The following YTHDC1 variants were observed in gnomAD, a reference collection of about 807,000 sequenced individuals.
YTHDC1 encodes the protein YTH domain-containing protein 1.
In YTHDC1, 12 loss-of-function variants were observed where a neutral mutation model predicts 107.0. The observed-to-expected ratio is 0.11, with a 90% CI of 0.07 to 0.18. The LOEUF is 0.18. Ranked by LOEUF, YTHDC1 falls within the 10% of genes least tolerant of loss-of-function variation. The probability of loss-of-function intolerance (pLI) is 1.00; values close to 1 mark genes in which losing one functional copy is unlikely to be tolerated. For synonymous variants in YTHDC1, 280 were observed against 289.5 expected, an observed-to-expected ratio of 0.97 and a Z score of 0.33; for missense variants, 635 against 898.8, an observed-to-expected ratio of 0.71 and a Z score of 3.75.
chr4:68,334,874 A>G (rs1376559886), intron 4 of YTHDC1, among the ~76,000 whole-genome samples: 2 of 152,152 alleles, frequency 1.3e-5, no homozygotes, highest in African/African-American at 4.8e-5. Context: ...GACAAAAACA[A>G]TAATTAAAAA....
At position 68,349,956 on chromosome 4, in the gene YTHDC1, G is replaced by A; in HGVS notation, c.-203C>T. On this transcript the variant is annotated 5_prime_UTR_variant, in exon 1 of 17. Coordinates refer to ENST00000344157, the MANE Select transcript of YTHDC1 (RefSeq NM_001031732.4). Reference sequence around the variant, plus strand: ...TCCCTTCCTTTCACTCCAGCATCCAGCGGCCTAGGCCCAGCCTTCTCGTTA... The same window carrying A: ...TCCCTTCCTTTCACTCCAGCATCCAACGGCCTAGGCCCAGCCTTCTCGTTA... 1 of 710,922 alleles carries A rather than the reference G, an allele frequency of 1.4e-6. No individual in the cohort carries two copies. The highest frequency in any genetic ancestry group is 1.8e-5 in the South Asian group (1 of 56,556). 44.0% of individuals were successfully genotyped at this position (710,922 alleles called of 1,614,324 possible).
intron 1 of YTHDC1, 124 bp from the exon 2 acceptor site, chr4:68,338,508 T>G: frequency 1.6e-6 from 1 of 628,054 alleles, no homozygotes; most frequent in Admixed American, 3.5e-5. Context: ...AAAGCTTTAC[T>G]TTTATTTCAG....
intron 1 of YTHDC1, among the ~76,000 whole-genome samples, chr4:68,342,013 A>G (rs2109739674): frequency 6.6e-6 from 1 of 152,320 alleles, no homozygotes; most frequent in African/African-American, 2.4e-5. Context: ...TGACTGGGCT[A>G]TGTGATATAT....
rs185096435 is a variant in YTHDC1 at position 68,349,541 on chromosome 4, T to C, written c.28+185A>G. On this transcript the variant is annotated intron_variant, in intron 1 of 16. Coordinates refer to ENST00000344157, the MANE Select transcript of YTHDC1 (RefSeq NM_001031732.4). ...ATGAAGTGCTAGGCCATATGGAGAC[T>C]GAGGACGAAAGGGCAGGCCTGGTCT... is the stretch of plus-strand genomic sequence containing the variant. 5.9e-3 allele frequency among the ~76,000 whole-genome samples: 898 copies of C among 150,974 alleles called. 11 individuals are homozygous for C. The highest frequency in any genetic ancestry group is 0.021 in the African/African-American group (849 of 41,126).
intron 9 of YTHDC1, among the ~76,000 whole-genome samples, chr4:68,326,324 A>T (rs1375014830): frequency 6.6e-6 from 1 of 152,186 alleles, no homozygotes; most frequent in Non-Finnish European, 1.5e-5. Flanking sequence ...ACATCACAGA[A>T]AACTGTGAAG....
At position 68,316,463 on chromosome 4, in the gene YTHDC1, C is replaced by T. The variant is rs1311020735; in HGVS notation, c.1825-15G>A. ...GGGTAAGGGGGCTAAAAAAGGAAAA[C>T]CATTTACATTAAGAATCTACCAACA... is the stretch of plus-strand genomic sequence containing the variant. On this transcript the variant is annotated splice_polypyrimidine_tract_variant and intron_variant, in intron 15 of 16. Transcript: ENST00000344157. 9 of 1,609,502 alleles carry T rather than the reference C, an allele frequency of 5.6e-6. No individual in the cohort carries two copies. The highest frequency in any genetic ancestry group is 1.3e-5 in the African/African-American group (1 of 74,728).
intron 1 of YTHDC1, among the ~76,000 whole-genome samples, chr4:68,346,081 A>ATG (rs1725393552): frequency 1.2e-5 from 1 of 84,858 alleles, no homozygotes; most frequent in Non-Finnish European, 2.5e-5. Context: ...GTGTGTACAT[A>ATG]TATATATATA....
At chr4:68,336,988 CT>C in intron 4 of YTHDC1, 38 bp downstream of exon 4, 3 of 1,533,202 alleles carry the variant, frequency 2.0e-6, no homozygotes, top group Middle Eastern at 1.8e-4. Flanking sequence ...ACCTATCAAG[CT>C]TTTTTTAAGA....
intron 9 of YTHDC1, among the ~76,000 whole-genome samples, chr4:68,326,441 A>T (rs942343145): frequency 6.6e-6 from 1 of 152,190 alleles, no homozygotes; most frequent in African/African-American, 2.4e-5. Context: ...TCATAGAACA[A>T]GCAACCTAAC....
At chr4:68,349,206 G>A (rs1035925177) in intron 1 of YTHDC1, among the ~76,000 whole-genome samples, 6 of 152,124 alleles carry the variant, frequency 3.9e-5, no homozygotes, top group African/African-American at 1.4e-4. Context: ...GAACAAAACG[G>A]GTAATTCACT....
rs1725892105 is a variant in YTHDC1 at position 68,349,770 on chromosome 4, C to T, written c.-17G>A. On this transcript the variant is annotated 5_prime_UTR_variant, in exon 1 of 17. Coordinates refer to ENST00000344157, the MANE Select transcript of YTHDC1 (RefSeq NM_001031732.4). The stretch of plus-strand genomic sequence containing the variant: ...AGCCGCCATGGCTCCCCTTCGGTTT[C>T]CGCCGCTGCCACCGCCGCCGCCGCT... 6.2e-7 allele frequency: 1 copy of T among 1,612,398 alleles called. No individual in the cohort carries two copies. The highest frequency in any genetic ancestry group is 1.7e-5 in the Admixed American group (1 of 59,980).
At chr4:68,325,789 T>C (rs974001045) in intron 9 of YTHDC1, among the ~76,000 whole-genome samples, 2 of 152,226 alleles carry the variant, frequency 1.3e-5, no homozygotes, top group African/African-American at 2.4e-5. Context: ...TGGTATATTC[T>C]GTGATGGAGG....
intron 9 of YTHDC1, among the ~76,000 whole-genome samples, chr4:68,328,714 C>T (rs1723254823): frequency 6.6e-6 from 1 of 152,104 alleles, no homozygotes; most frequent in Non-Finnish European, 1.5e-5. Context: ...TATTATCAAC[C>T]TAATACAGTT....
intron 12 of YTHDC1, among the ~76,000 whole-genome samples, 164 bp from the exon 13 acceptor site, chr4:68,319,026 C>A (rs545006116): frequency 6.6e-6 from 1 of 152,260 alleles, no homozygotes; most frequent in African/African-American, 2.4e-5. Flanking sequence ...TCTCAGATTA[C>A]ATGATAATCT....
chr4:68,318,899 A>G, intron 12 of YTHDC1, 37 bp from the exon 13 acceptor site: 2 of 1,608,198 alleles, frequency 1.2e-6, no homozygotes, highest in South Asian at 1.1e-5. Context: ...AATCAAATTT[A>G]TATTTTTCTT....
intron 4 of YTHDC1, among the ~76,000 whole-genome samples, chr4:68,336,279 A>G (rs1442835969): frequency 6.6e-6 from 1 of 152,044 alleles, no homozygotes; most frequent in African/African-American, 2.4e-5. Context: ...TATAATCATC[A>G]TATAGTGCTC....
At chr4:68,349,656 G>C (rs1295108085) in intron 1 of YTHDC1, 70 bp downstream of exon 1, 4 of 1,283,672 alleles carry the variant, frequency 3.1e-6, no homozygotes, top group South Asian at 2.1e-5. Flanking sequence ...CCCCAACGAC[G>C]ACCACTGCTC....
chr4:68,316,941 A>G (rs1721925415), intron 15 of YTHDC1, among the ~76,000 whole-genome samples: 1 of 152,200 alleles, frequency 6.6e-6, no homozygotes, highest in Non-Finnish European at 1.5e-5. Context: ...TGTTCTTAGA[A>G]ACATCAACAG....
At chr4:68,336,939 C>T (rs2109727553) in intron 4 of YTHDC1, 88 bp downstream of exon 4, 15 of 1,479,358 alleles carry the variant, frequency 1.0e-5, no homozygotes, top group Non-Finnish European at 1.3e-5. Flanking sequence ...TCCCCCATCT[C>T]CTCAACAATT....
Sources: allele counts gnomAD v4.1 joint callset (sites outside exome capture counted in the v4.1 genomes callset), GRCh38; gene constraint gnomAD v4.1.1; transcripts MANE v1.5; gene names NCBI Gene and HGNC (gene_info 2026-07-23, HGNC 2026-07-21).